EPB41: variants seen among roughly 807,000 people sequenced by gnomAD.
EPB41 encodes the protein protein 4.1.
A neutral mutation model predicts 108.0 loss-of-function variants in EPB41; 65 were observed. That is an observed-to-expected ratio of 0.60 (90% CI 0.49 to 0.74). The LOEUF is 0.74. EPB41 is among the 30% of genes least tolerant of loss of function. EPB41 has a pLI of 0.00. For synonymous variants in EPB41, 336 were observed against 358.9 expected (o/e 0.94, Z 0.72); for missense variants, 875 against 1,037.0 (o/e 0.84, Z 2.15).
chr1:29,005,420 T>C (rs2096382967), intron 4 of EPB41, among the ~76,000 whole-genome samples: 1 of 152,236 alleles, frequency 6.6e-6, no homozygotes, highest in South Asian at 2.1e-4. Context: ...ATCCAAACAA[T>C]GTCTGCTCCT....
intron 16 of EPB41, among the ~76,000 whole-genome samples, chr1:29,094,378 G>A (rs1662458243): frequency 6.6e-6 from 1 of 152,090 alleles, no homozygotes; most frequent in Admixed American, 6.6e-5. Flanking sequence ...CCGAGTTTAA[G>A]CAATTCTCCT....
At chr1:29,012,838 GCTTTCTACC>G (rs2096526121) in intron 5 of EPB41, among the ~76,000 whole-genome samples, 1 of 152,082 alleles carries the variant, frequency 6.6e-6, no homozygotes, top group Admixed American at 6.6e-5. Flanking sequence ...CTCTGTATTT[GCTTTCTACC>G]TATAAAAGCT....
At chr1:29,096,300 T>C in intron 16 of EPB41, 1 of 985,882 alleles carries the variant, frequency 1.0e-6, no homozygotes, top group Non-Finnish European at 1.2e-6. Flanking sequence ...CTGCAAAGCT[T>C]TGCCTTTGGC....
At chr1:28,952,545 A>T (rs565743981) in intron 1 of EPB41, among the ~76,000 whole-genome samples, 6 of 152,134 alleles carry the variant, frequency 3.9e-5, no homozygotes, top group East Asian at 1.9e-4. Context: ...AATAATAATT[A>T]AAAAAAAGTG....
At chr1:29,055,004 C>A (rs1364347487) in intron 12 of EPB41, among the ~76,000 whole-genome samples, 1 of 152,162 alleles carries the variant, frequency 6.6e-6, no homozygotes, top group Admixed American at 6.5e-5. Flanking sequence ...CACCACTGCA[C>A]TCCAGCCTGA....
chr1:28,910,568 G>A (rs963185604), upstream of EPB41, among the ~76,000 whole-genome samples: 1 of 151,674 alleles, frequency 6.6e-6, no homozygotes, highest in Non-Finnish European at 1.5e-5. Context: ...GCCCCTCCCC[G>A]CTTTCTTCCA....
chr1:28,906,257 C>G (rs1036120325), intron 1 of EPB41, among the ~76,000 whole-genome samples: 62 of 152,288 alleles, frequency 4.1e-4, no homozygotes, highest in African/African-American at 1.4e-3. Flanking sequence ...GCAAGTCAAA[C>G]CTGGCAATTT....
Position 29,053,247 on chromosome 1 carries a change from G to A in EPB41, c.1780G>A (p.Ala594Thr). The A allele has an allele frequency of 1.9e-6, 3 of 1,614,176 alleles. No individual in the cohort carries two copies. The highest frequency in any genetic ancestry group is 2.5e-6 in the Non-Finnish European group (3 of 1,180,050). ...TAAAGCACAGAAGGAAACAGTGAAG[G>A]CTGAAGTGAAAAAGGAAGACGAGCC... ...VPKAQKETVK[A>T]EVKKEDEPPE... Residue 594 changes from alanine to threonine, a missense_variant, in exon 12 of 21, where the codon GCT (alanine) becomes ACT (threonine). This residue lies in a region of EPB41 where 519 missense variants were observed against 627.3 expected (regional missense o/e 0.83). Coordinates refer to ENST00000343067, the MANE Select transcript of EPB41 (RefSeq NM_001376013.1).
At chr1:28,923,893 T>G (rs1323275392) in intron 1 of EPB41, among the ~76,000 whole-genome samples, 1 of 152,168 alleles carries the variant, frequency 6.6e-6, no homozygotes, top group Non-Finnish European at 1.5e-5. Context: ...CAATTATCCC[T>G]CCCTCCTGGT....
At chr1:29,033,394 T>C (rs939380884) in intron 9 of EPB41, 149 bp downstream of exon 9, 1 of 870,034 alleles carries the variant, frequency 1.1e-6, no homozygotes, top group Admixed American at 2.4e-5. Flanking sequence ...AGTTGATCAG[T>C]CCTGTGATGC....
chr1:29,101,312 T>C (rs961346028), intron 17 of EPB41, among the ~76,000 whole-genome samples: 1 of 152,154 alleles, frequency 6.6e-6, no homozygotes, highest in Non-Finnish European at 1.5e-5. Flanking sequence ...CTTAGGCAAG[T>C]TGCTAATCTC....
chr1:29,016,779 G>T (rs1226145443), intron 6 of EPB41, among the ~76,000 whole-genome samples: 1 of 152,024 alleles, frequency 6.6e-6, no homozygotes, highest in African/African-American at 2.4e-5. Context: ...TCTTGCATAG[G>T]GTCTTATCCA....
intron 20 of EPB41, among the ~76,000 whole-genome samples, chr1:29,116,150 C>CTT (rs537469371): frequency 0.051 from 5,837 of 113,662 alleles, 329 homozygotes; most frequent in Non-Finnish European, 0.063. Context: ...ACAGGTCTCT[C>CTT]TTTTTTTTTT....
chr1:29,054,825 C>A (rs926017315), intron 12 of EPB41, among the ~76,000 whole-genome samples: 1 of 152,188 alleles, frequency 6.6e-6, no homozygotes, highest in African/African-American at 2.4e-5. Context: ...GCACTTCAGC[C>A]TGGGTGACAA....
Position 29,087,211 on chromosome 1 carries a change from GA to G in EPB41, c.2185-10595del, listed in dbSNP as rs1659410051. 4.6e-5 allele frequency among the ~76,000 whole-genome samples: 7 copies of G among 152,048 alleles called. No individual in the cohort carries two copies. In the South Asian group the frequency reaches 1.5e-3, roughly 32 times the overall value. On this transcript the variant is annotated intron_variant, in intron 16 of 20. Transcript: ENST00000343067. ...CCGCCTTGGCCTCCCAAAGTGCTGG[GA>G]TTACAGGTGTGAGCCACCGTGCCCA...
intron 18 of EPB41, among the ~76,000 whole-genome samples, chr1:29,109,891 G>A (rs566290166): frequency 1.8e-4 from 27 of 152,212 alleles, no homozygotes; most frequent in Admixed American, 5.9e-4. Context: ...TAAATTAGCC[G>A]GGTGTGGCGG....
At chr1:29,090,580 G>A (rs1660831029) in intron 16 of EPB41, among the ~76,000 whole-genome samples, 1 of 152,054 alleles carries the variant, frequency 6.6e-6, no homozygotes, top group Non-Finnish European at 1.5e-5. Context: ...GAGAAACCCT[G>A]TCTCTACTAA....
intron 7 of EPB41, among the ~76,000 whole-genome samples, chr1:29,020,126 T>G (rs2096625632): frequency 6.6e-6 from 1 of 152,124 alleles, no homozygotes; most frequent in African/African-American, 2.4e-5. Flanking sequence ...TGGAGTGCAG[T>G]GGTGCAATCT....
chr1:28,989,305 A>G (rs2095950250), intron 2 of EPB41: 3 of 765,996 alleles, frequency 3.9e-6, no homozygotes, highest in Non-Finnish European at 4.8e-6. Flanking sequence ...AAATGGGAAA[A>G]CATTAGTACT....
Sources: allele counts gnomAD v4.1 joint callset (sites outside exome capture counted in the v4.1 genomes callset), GRCh38; gene constraint gnomAD v4.1.1; regional missense constraint gnomAD v4.1.1; transcripts MANE v1.5; gene names NCBI Gene and HGNC (gene_info 2026-07-23, HGNC 2026-07-21).